Variants in MANF observed in about 807,000 individuals in gnomAD.
The protein encoded by MANF is mesencephalic astrocyte-derived neurotrophic factor.
Under a neutral mutation model 19.1 loss-of-function variants are expected in MANF, and 9 were observed. The observed-to-expected ratio is 0.47, with a 90% CI of 0.28 to 0.82. The LOEUF is 0.82. Ranked by LOEUF, MANF falls within the 40% of genes least tolerant of loss-of-function variation. The probability of loss-of-function intolerance (pLI) is 0.10; values close to 1 mark genes in which losing one functional copy is unlikely to be tolerated. For synonymous variants in MANF, 89 were observed against 88.0 expected, an observed-to-expected ratio of 1.01 and a Z score of -0.06; for missense variants, 225 against 226.7, an observed-to-expected ratio of 0.99 and a Z score of 0.05.
Position 51,385,332 on chromosome 3 carries a change from G to C in MANF, c.-11G>C, listed in dbSNP as rs868985028. On this transcript the variant is annotated 5_prime_UTR_variant, in exon 1 of 4. Transcript: ENST00000528157. ...CAGCGGAGGAGGAGGAGGAGGAGGAGGATGAGGAGGATGAGGAGGATGTGG... is the reference window on the plus strand; with the variant it reads ...CAGCGGAGGAGGAGGAGGAGGAGGACGATGAGGAGGATGAGGAGGATGTGG... The C allele has an allele frequency of 2.7e-6, 3 of 1,107,518 alleles. No individual in the cohort carries two copies. Among genetic ancestry groups the C allele is most frequent in the Non-Finnish European group, 3.4e-6 (3 of 875,412 alleles). 68.6% of individuals were successfully genotyped at this position (1,107,518 alleles called of 1,614,324 possible).
intron 2 of MANF, chr3:51,387,086 G>A: frequency 2.7e-6 from 1 of 363,920 alleles, no homozygotes; most frequent in South Asian, 2.0e-5. Context: ...ACTTTGGGAG[G>A]CCAAGGTGGG....
At position 51,389,110 on chromosome 3, in the gene MANF, C is replaced by T; in HGVS notation, c.*21C>T. On this transcript the variant is annotated 3_prime_UTR_variant, in exon 4 of 4. Transcript: ENST00000528157. ...TGTAGTCTGCTCAATCTCTGTTGCA[C>T]CTGAGGGGGAAAAAACAGTTCAACT... 1 of 1,594,876 alleles carries T rather than the reference C, an allele frequency of 6.3e-7. No individual in the cohort carries two copies. The highest frequency in any genetic ancestry group is 1.2e-5 in the South Asian group (1 of 86,854).
At chr3:51,386,441 G>C in intron 2 of MANF, 106 bp downstream of exon 2, 2 of 1,255,182 alleles carry the variant, frequency 1.6e-6, no homozygotes, top group Admixed American at 2.1e-5. Context: ...CAGGAAGCCA[G>C]CTACTCTCTC....
At chr3:51,386,412 C>T in intron 2 of MANF, 77 bp downstream of exon 2, 2 of 1,524,796 alleles carry the variant, frequency 1.3e-6, no homozygotes, top group South Asian at 2.3e-5. Flanking sequence ...TGATAAAAGG[C>T]CTTGCCCACC....
chr3:51,387,783 A>G lies in MANF; in HGVS notation c.269A>G (p.Asn90Ser), dbSNP rs1553621056. The G allele has an allele frequency of 1.4e-5, 22 of 1,613,004 alleles. No individual in the cohort carries two copies. The highest frequency in any genetic ancestry group is 1.7e-5 in the Non-Finnish European group (20 of 1,179,398). The change falls in exon 3 of 4, where the codon AAT becomes AGT. Residue 90 changes from asparagine (N) to serine (S), a missense_variant. Coordinates refer to ENST00000528157, the MANE Select transcript of MANF (RefSeq NM_006010.6). ...ATDDAATKII[N>S]EVSKPLAHHI... ...GATGATGCAGCCACCAAAATCATCA[A>G]TGAGGTATCAAAGCCTCTGGCCCAC...
chr3:51,386,097 C>CTTA, intron 1 of MANF, 111 bp from the exon 2 acceptor site: 4 of 1,205,710 alleles, frequency 3.3e-6, no homozygotes, highest in Non-Finnish European at 4.7e-6. Context: ...AAAAGCTCAC[C>CTTA]TCTAATGATT....
chr3:51,388,801 C>G (rs1386544271), intron 3 of MANF, 104 bp from the exon 4 acceptor site: 4 of 779,966 alleles, frequency 5.1e-6, no homozygotes, highest in Non-Finnish European at 8.0e-6. Context: ...TCCTCTGAAA[C>G]CAGTAGGGCT....
At chr3:51,385,615 T>C (rs2088943217) in intron 1 of MANF, 179 bp downstream of exon 1, 2 of 389,898 alleles carry the variant, frequency 5.1e-6, no homozygotes, top group Non-Finnish European at 9.0e-6. Context: ...AGTAAATCTT[T>C]CTTGGGCCTA....
At chr3:51,387,013 A>G (rs1326286677) in intron 2 of MANF, 5 of 447,644 alleles carry the variant, frequency 1.1e-5, no homozygotes, top group African/African-American at 4.0e-5. Flanking sequence ...CTACCAGTAC[A>G]GGCAGGGCAC....
intron 2 of MANF, chr3:51,387,134 G>A (rs1480793364): frequency 2.9e-6 from 1 of 339,382 alleles, no homozygotes; most frequent in East Asian, 7.8e-5. Context: ...ATCAGCCTGG[G>A]CAAAGTGGTG....
chr3:51,388,767 G>C (rs1553621126), intron 3 of MANF, 138 bp from the exon 4 acceptor site: 1 of 632,648 alleles, frequency 1.6e-6, no homozygotes, highest in Non-Finnish European at 2.7e-6. Flanking sequence ...TGACATGCCT[G>C]TAAATGTGTC....
Position 51,386,206 on chromosome 3 carries a change from A to T in MANF, c.95-2A>T, listed in dbSNP as rs1559453030. 6.2e-7 allele frequency: 1 copy of T among 1,613,198 alleles called. No individual in the cohort carries two copies. The highest frequency in any genetic ancestry group is 8.5e-7 in the Non-Finnish European group (1 of 1,179,538). ...AGCATCTCCCGTCCCTCTCTTTTCC[A>T]GTTTGTATTTCTTATCTGGGAAGAT... is the stretch of plus-strand genomic sequence containing the variant. On this transcript the variant is annotated splice_acceptor_variant, in intron 1 of 3. Transcript: ENST00000528157. LOFTEE classifies it high-confidence loss of function.
Position 51,389,301 on chromosome 3 carries a change from G to T in MANF, c.*212G>T. On this transcript the variant is annotated 3_prime_UTR_variant, in exon 4 of 4. Transcript: ENST00000528157. Reference sequence around the variant, plus strand: ...CTGGTGTACTCTAGGACTTCAAAGTGTGTCTGGGATTTTTTTATTAAAGAA... The same window carrying T: ...CTGGTGTACTCTAGGACTTCAAAGTTTGTCTGGGATTTTTTTATTAAAGAA... 1 of 472,966 alleles carries T rather than the reference G, an allele frequency of 2.1e-6. No homozygotes were observed. Among genetic ancestry groups the T allele is most frequent in the Non-Finnish European group, 3.7e-6 (1 of 272,752 alleles). The allele number at this position is 472,966 out of a possible 1,614,324, so 29.3% of individuals were successfully genotyped here.
In MANF at chr3:51,385,334, A is replaced by T. The variant is rs1353005508; in HGVS notation, c.-9A>T. The T allele has an allele frequency of 1.8e-6, 2 of 1,085,356 alleles. No homozygotes were observed. The highest frequency in any genetic ancestry group is 2.3e-6 in the Non-Finnish European group (2 of 859,566). The allele number at this position is 1,085,356 out of a possible 1,614,324, so 67.2% of individuals were successfully genotyped here. A position where few individuals can be genotyped will look rare whatever the true frequency, so the allele number is the denominator to read the frequency against. Reference sequence around the variant, plus strand: ...GCGGAGGAGGAGGAGGAGGAGGAGGATGAGGAGGATGAGGAGGATGTGGGC... The same window carrying T: ...GCGGAGGAGGAGGAGGAGGAGGAGGTTGAGGAGGATGAGGAGGATGTGGGC... On this transcript the variant is annotated 5_prime_UTR_variant, in exon 1 of 4. The change abolishes an upstream ATG in the 5' untranslated region. Transcript: ENST00000528157.
At chr3:51,387,076 A>C in intron 2 of MANF, 2 of 376,776 alleles carry the variant, frequency 5.3e-6, no homozygotes, top group Non-Finnish European at 1.1e-5. Flanking sequence ...TCTTCCTAGC[A>C]CTTTGGGAGG....
Position 51,385,320 on chromosome 3 carries a change from G to GGAGGAGGAGGATGAGGAGGAT in MANF, c.-12_-11insTGAGGAGGATGAGGAGGAGGA. The GGAGGAGGAGGATGAGGAGGAT allele has an allele frequency of 8.2e-7, 1 of 1,222,738 alleles. No homozygotes were observed. 75.7% of individuals were successfully genotyped at this position (1,222,738 alleles called of 1,614,324 possible). ...GGTCGGCGGCGGCAGCGGAGGAGGA[G>GGAGGAGGAGGATGAGGAGGAT]GAGGAGGAGGAGGATGAGGAGGATG... On this transcript the variant is annotated 5_prime_UTR_variant, in exon 1 of 4. It adds an upstream start codon to the 5' untranslated region. Transcript: ENST00000528157.
Position 51,386,214 on chromosome 3 carries a change from T to A in MANF, c.101T>A (p.Ile34Asn), listed in dbSNP as rs1553620876. ...CCGTCCCTCTCTTTTCCAGTTTGTA[T>A]TTCTTATCTGGGAAGATTTTACCAG... is the stretch of plus-strand genomic sequence containing the variant. Reference protein sequence around the residue: ...ALRPGDCEVCISYLGRFYQDL... With the variant: ...ALRPGDCEVCNSYLGRFYQDL... The change falls in exon 2 of 4, where the codon ATT (isoleucine) becomes AAT (asparagine). Residue 34 changes from isoleucine (I) to asparagine (N), a missense_variant. Physicochemically the swap from Ile to Asn is moderately radical, Grantham distance 149. Coordinates refer to ENST00000528157, the MANE Select transcript of MANF (RefSeq NM_006010.6). 6.2e-7 allele frequency: 1 copy of A among 1,613,538 alleles called. No homozygotes were observed. The highest frequency in any genetic ancestry group is 8.5e-7 in the Non-Finnish European group (1 of 1,179,658).
At chr3:51,385,965 A>T in intron 1 of MANF, 1 of 509,674 alleles carries the variant, frequency 2.0e-6, no homozygotes. Flanking sequence ...GAGCAGGGAG[A>T]AGTCGTTTAT....
intron 1 of MANF, 66 bp from the exon 2 acceptor site, chr3:51,386,142 G>C (rs1418252501): frequency 2.5e-6 from 4 of 1,572,448 alleles, no homozygotes; most frequent in Non-Finnish European, 3.5e-6. Context: ...TGCTGGCGGA[G>C]TTCTTTTCTG....
Sources: allele counts gnomAD v4.1 joint callset, GRCh38; gene constraint gnomAD v4.1.1; transcripts MANE v1.5; gene names NCBI Gene and HGNC (gene_info 2026-07-23, HGNC 2026-07-21).